Variants in CARD14 observed in about 807,000 individuals in gnomAD.
The protein encoded by CARD14 is caspase recruitment domain-containing protein 14.
In CARD14, 107 loss-of-function variants were observed where a neutral mutation model predicts 111.5. The observed-to-expected ratio is 0.96, with a 90% confidence interval of 0.82 to 1.13. The LOEUF is 1.13. Among genes scored for constraint, CARD14 ranks in the 50% most tolerant of loss-of-function variants. The pLI is 0.00. For synonymous variants in CARD14, 617 were observed against 579.6 expected (o/e 1.06, Z -0.93); for missense variants, 1,322 against 1,362.3 (o/e 0.97, Z 0.47).
chr17:80,180,312 G>T (rs560045309), intron 4 of CARD14, among the ~76,000 whole-genome samples: 1 of 152,344 alleles, frequency 6.6e-6, no homozygotes, highest in South Asian at 2.1e-4. Context: ...CAGCCCTGGT[G>T]GTGGCCCCAG....
rs1419531025 is a variant in CARD14, at chr17:80,203,684, A to T, written c.2220-138A>T. The T allele has an allele frequency of 3.2e-6, 2 of 618,468 alleles. No individual in the cohort carries two copies. The highest frequency in any genetic ancestry group is 5.7e-6 in the Non-Finnish European group (2 of 349,010). The allele number at this position is 618,468 out of a possible 1,614,324, so 38.3% of individuals were successfully genotyped here. On this transcript the variant is annotated intron_variant, in intron 18 of 23. Transcript: ENST00000648509. The surrounding 1 kb of genome is among the most constrained non-coding windows in gnomAD (Gnocchi z 4.6). ...AGGATGGAGCGCTCCAGCCTGCAGC[A>T]AAGGGATGTGTGGAGCTCTAGGTGG... is the stretch of plus-strand genomic sequence containing the variant.
chr17:80,177,723 T>C (rs1314631180), intron 2 of CARD14, among the ~76,000 whole-genome samples: 1 of 152,078 alleles, frequency 6.6e-6, no homozygotes, highest in African/African-American at 2.4e-5. Flanking sequence ...TTAGCAGATT[T>C]TAGCAGAGAC....
chr17:80,173,298 GCA>G (rs761819467), intron 2 of CARD14, 70 bp downstream of exon 2: 9,574 of 141,290 alleles, frequency 0.068, 473 homozygotes, highest in Admixed American at 0.13. Context: ...TCTCTCTCAT[GCA>G]CACACACACA....
intron 2 of CARD14, among the ~76,000 whole-genome samples, chr17:80,175,843 C>A (rs2040011416): frequency 6.6e-6 from 1 of 150,868 alleles, no homozygotes; most frequent in African/African-American, 2.4e-5. Context: ...GTGGCAGGGG[C>A]AGAACCGGGC....
intron 4 of CARD14, among the ~76,000 whole-genome samples, chr17:80,179,753 G>A (rs957537337): frequency 6.6e-6 from 1 of 152,148 alleles, no homozygotes; most frequent in Non-Finnish European, 1.5e-5. Flanking sequence ...GATTGCTTGG[G>A]TCTGGGAGCT....
intron 4 of CARD14, among the ~76,000 whole-genome samples, chr17:80,179,753 G>C (rs957537337): frequency 3.3e-5 from 5 of 152,148 alleles, no homozygotes; most frequent in Admixed American, 6.5e-5. Flanking sequence ...GATTGCTTGG[G>C]TCTGGGAGCT....
chr17:80,201,345 C>T lies in CARD14; in HGVS notation c.1852-399C>T, dbSNP rs921143292. On this transcript the variant is annotated intron_variant, in intron 16 of 23. Transcript: ENST00000648509. This position sits in a 1 kb window ranked among gnomAD's most constrained non-coding sequence, Gnocchi z 5.0. ...AAGGCCAGGGATGCCACTCAGCATC[C>T]TGTAGGGCCCGGTATAGCCCGCAGC... 2 of 187,452 alleles carry T rather than the reference C, an allele frequency of 1.1e-5. No individual in the cohort carries two copies. The highest frequency in any genetic ancestry group is 2.3e-5 in the Non-Finnish European group (2 of 88,846). 11.6% of individuals were successfully genotyped at this position (187,452 alleles called of 1,614,324 possible).
chr17:80,193,906 T>C (rs1321963915), intron 12 of CARD14, among the ~76,000 whole-genome samples: 1 of 152,044 alleles, frequency 6.6e-6, no homozygotes, highest in Non-Finnish European at 1.5e-5. Flanking sequence ...GTGTTTCCCT[T>C]CCCCAGGGGT....
Position 80,208,295 on chromosome 17 carries a change from A to T in CARD14, c.2965A>T (p.Ile989Phe). 6.2e-7 allele frequency: 1 copy of T among 1,604,068 alleles called. No individual in the cohort carries two copies. Among genetic ancestry groups the T allele is most frequent in the Admixed American group, 1.7e-5 (1 of 58,482 alleles). ...CCTGCTCAGCTGTGTCCGCCAGGCC[A>T]TCGCCGACGAGCAGAAGAAGGTGGT... ...DGLLSCVRQA[I>F]ADEQKKVVWT... is the part of the protein sequence containing the mutation. The change falls in exon 24 of 24, where the codon ATC (isoleucine) becomes TTC (phenylalanine). Residue 989 changes from isoleucine to phenylalanine, a missense_variant. Transcript: ENST00000648509.
chr17:80,172,612 G>A (rs879556659), intron 1 of CARD14, among the ~76,000 whole-genome samples: 9 of 152,238 alleles, frequency 5.9e-5, no homozygotes, highest in Middle Eastern at 3.4e-3. Context: ...CGGCGTCGGC[G>A]TGCCTTCGCC....
At chr17:80,172,530 G>A (rs904134073) in intron 1 of CARD14, among the ~76,000 whole-genome samples, 4 of 152,176 alleles carry the variant, frequency 2.6e-5, no homozygotes, top group Admixed American at 6.5e-5. Context: ...TCCATGTGCC[G>A]CTTTCATCGG....
At position 80,182,415 on chromosome 17, in the gene CARD14, T is replaced by C. The variant is rs2040202888; in HGVS notation, c.212-238T>C. Among the ~76,000 whole-genome samples the C allele has an allele frequency of 6.6e-6, 1 of 152,202 alleles. No homozygotes were observed. The stretch of plus-strand genomic sequence containing the variant: ...CACTGGGGTTGCAGTAGTTGCTCGA[T>C]ACATGCCAGCTTTGCCCTTCTCGAG... On this transcript the variant is annotated intron_variant, in intron 5 of 23. Coordinates refer to ENST00000648509, the MANE Select transcript of CARD14 (RefSeq NM_001366385.1). This position sits in a 1 kb window ranked among gnomAD's most constrained non-coding sequence, Gnocchi z 4.7.
In CARD14 at chr17:80,198,432, GA is replaced by G. The variant is rs762665322; in HGVS notation, c.1693del (p.Ile565SerfsTer2). The G allele has an allele frequency of 1.2e-6, 2 of 1,608,854 alleles. No homozygotes were observed. The highest frequency in any genetic ancestry group is 3.3e-5 in the Admixed American group (2 of 59,856). On this transcript the variant is annotated frameshift_variant, in exon 16 of 24. Transcript: ENST00000648509. LOFTEE classifies it high-confidence loss of function. The surrounding 1 kb of genome is among the most constrained non-coding windows in gnomAD (Gnocchi z 7.5). ...VLMRRRPARR[I>X]LSQVTMLAFQ... ...TCATGCGGCGGAGGCCAGCCCGCAG[GA>G]TCCTGAGCCAGGTCACCATGCTGGC...
At chr17:80,202,034 G>A in intron 17 of CARD14, 146 bp from the exon 18 acceptor site, 1 of 1,218,450 alleles carries the variant, frequency 8.2e-7, no homozygotes, top group South Asian at 1.4e-5. Context: ...AAGCCAGCTG[G>A]AAACCTCCCA....
At chr17:80,184,901 G>A (rs2040294274) in intron 7 of CARD14, among the ~76,000 whole-genome samples, 1 of 152,156 alleles carries the variant, frequency 6.6e-6, no homozygotes, top group African/African-American at 2.4e-5. Context: ...GGGAGGGCAG[G>A]AGGGTTCTCA....
chr17:80,180,847 C>G (rs898454597), intron 4 of CARD14, among the ~76,000 whole-genome samples: 1 of 152,182 alleles, frequency 6.6e-6, no homozygotes, highest in Admixed American at 6.5e-5. Flanking sequence ...ACCACAACCT[C>G]TGTATCCCAG....
Position 80,189,173 on chromosome 17 carries a change from G to A in CARD14, c.844-580G>A, listed in dbSNP as rs1018256968. On this transcript the variant is annotated intron_variant, in intron 8 of 23. Transcript: ENST00000648509. This position sits in a 1 kb window ranked among gnomAD's most constrained non-coding sequence, Gnocchi z 4.7. The stretch of plus-strand genomic sequence containing the variant: ...AAAGCATGGGATTCGCGTTAAGGAT[G>A]GGGGAAAGAAACCTTTCTGCCTGGA... Among the ~76,000 whole-genome samples, 21 of 152,124 alleles carry A rather than the reference G, an allele frequency of 1.4e-4. No individual in the cohort carries two copies. The highest frequency in any genetic ancestry group is 4.1e-4 in the African/African-American group (17 of 41,386).
In CARD14 at chr17:80,190,612, CAAA is replaced by C. The variant is rs368094768; in HGVS notation, c.964-147_964-145del. 0.02 allele frequency among the ~76,000 whole-genome samples: 2,748 copies of C among 134,438 alleles called. 77 individuals carry two copies. The highest frequency in any genetic ancestry group is 0.07 in the African/African-American group (2,505 of 35,916). The allele number at this position is 134,438 out of a possible 152,430, so 88.2% of individuals were successfully genotyped here. Reference sequence around the variant, plus strand: ...TTGGCATCGCAGCGAGTCTCTGTCTCAAAAAAAAAAAAAAAAAGAGAGAGAGAG... The same window carrying C: ...TTGGCATCGCAGCGAGTCTCTGTCTCAAAAAAAAAAAAAAGAGAGAGAGAG... On this transcript the variant is annotated intron_variant, in intron 9 of 23. Coordinates refer to ENST00000648509, the MANE Select transcript of CARD14 (RefSeq NM_001366385.1).
rs768250220 is a variant in CARD14 at position 80,203,837 on chromosome 17, C to T, written c.2235C>T (p.Leu745=). 1.3e-6 allele frequency: 2 copies of T among 1,586,356 alleles called. No homozygotes were observed. The highest frequency in any genetic ancestry group is 4.5e-5 in the East Asian group (2 of 44,058). ...GTCTCTGCAGGGCTCAGCAGCAGCTCATAGCCCTCATCCAGGACATGACTC... is the reference window on the plus strand; with the variant it reads ...GTCTCTGCAGGGCTCAGCAGCAGCTTATAGCCCTCATCCAGGACATGACTC... ...IPNYSRAQQQ[L]IALIQDMTQQ... Residue 745 remains leucine (L), a synonymous_variant, in exon 19 of 24, where the codon CTC becomes CTT. Transcript: ENST00000648509. This position sits in a 1 kb window ranked among gnomAD's most constrained non-coding sequence, Gnocchi z 4.6.
Sources: allele counts gnomAD v4.1 joint callset (sites outside exome capture counted in the v4.1 genomes callset), GRCh38; gene constraint gnomAD v4.1.1; non-coding constraint Gnocchi (gnomAD v3.1); transcripts MANE v1.5; gene names NCBI Gene and HGNC (gene_info 2026-07-23, HGNC 2026-07-21).